Variants in AGMO observed in about 807,000 individuals in gnomAD.
The protein encoded by AGMO is alkylglycerol monooxygenase.
A neutral mutation model predicts 60.2 loss-of-function variants in AGMO; 75 were observed. The observed-to-expected ratio is 1.25, with a 90% CI of 1.03 to 1.51. The LOEUF is 1.51. Among genes scored for constraint, AGMO ranks in the 40% most tolerant of loss-of-function variants. The probability of loss-of-function intolerance (pLI) is 0.00; values close to 1 mark genes in which losing one functional copy is unlikely to be tolerated. For synonymous variants in AGMO, 261 were observed against 177.1 expected (o/e 1.47, Z -3.76); for missense variants, 763 against 525.5 (o/e 1.45, Z -4.42).
intron 5 of AGMO, among the ~76,000 whole-genome samples, chr7:15,412,045 T>C (rs1780626441): frequency 6.6e-6 from 1 of 152,156 alleles, no homozygotes; most frequent in Non-Finnish European, 1.5e-5. Flanking sequence ...CTCTATTGCG[T>C]TTGCTGCTAT....
chr7:15,341,932 C>T (rs565959348), intron 12 of AGMO, among the ~76,000 whole-genome samples: 2 of 151,770 alleles, frequency 1.3e-5, no homozygotes, highest in Admixed American at 6.6e-5. Flanking sequence ...CTCTATGATT[C>T]AATTATCTCT....
rs189555515 is a variant in AGMO, at chr7:15,290,487, A to C, written c.1263+75027T>G. Among the ~76,000 whole-genome samples the C allele has an allele frequency of 3.2e-3, 491 of 152,308 alleles. 3 individuals carry two copies. Among genetic ancestry groups the C allele is most frequent in the African/African-American group, 0.011 (466 of 41,568 alleles). On this transcript the variant is annotated intron_variant, in intron 12 of 12. Coordinates refer to ENST00000342526, the MANE Select transcript of AGMO (RefSeq NM_001004320.2). Reference sequence around the variant, plus strand: ...ACTTCTTAAAGCCTAAGAGAAGATAATCAAATACACTCATTATTATCTTCT... The same window carrying C: ...ACTTCTTAAAGCCTAAGAGAAGATACTCAAATACACTCATTATTATCTTCT...
intron 5 of AGMO, among the ~76,000 whole-genome samples, chr7:15,406,927 ACG>A (rs1234830007): frequency 5.3e-4 from 67 of 126,572 alleles, no homozygotes; most frequent in East Asian, 4.0e-3. Flanking sequence ...TGGAATACAC[ACG>A]CGCACACACA....
intron 8 of AGMO, among the ~76,000 whole-genome samples, chr7:15,389,871 G>A (rs560902164): frequency 6.6e-6 from 1 of 152,180 alleles, no homozygotes; most frequent in Non-Finnish European, 1.5e-5. Flanking sequence ...CTCAATAGAT[G>A]TTAACAATTT....
chr7:15,493,331 C>CAA (rs1268760508), intron 3 of AGMO, among the ~76,000 whole-genome samples: 5 of 53,738 alleles, frequency 9.3e-5, no homozygotes, highest in African/African-American at 5.7e-4. Context: ...CACAAACACA[C>CAA]AAAACACACA....
intron 3 of AGMO, among the ~76,000 whole-genome samples, chr7:15,537,690 A>G (rs1784516087): frequency 6.6e-6 from 1 of 152,156 alleles, no homozygotes; most frequent in Admixed American, 6.6e-5. Flanking sequence ...TTAATAATTC[A>G]ATGAATTTAT....
chr7:15,537,761 C>G (rs1278006025), intron 3 of AGMO, among the ~76,000 whole-genome samples: 2 of 151,848 alleles, frequency 1.3e-5, no homozygotes, highest in Non-Finnish European at 2.9e-5. Flanking sequence ...TATACATTAT[C>G]TACATATGGA....
the AGMO span, among the ~76,000 whole-genome samples, chr7:15,182,803 A>C: frequency 6.6e-6 from 1 of 152,150 alleles, no homozygotes; most frequent in Non-Finnish European, 1.5e-5. Flanking sequence ...AACAGGTTTA[A>C]TTGGTTCATG....
chr7:15,352,115 A>G (rs1243394904), intron 12 of AGMO, among the ~76,000 whole-genome samples: 3 of 152,216 alleles, frequency 2.0e-5, no homozygotes, highest in Non-Finnish European at 4.4e-5. Flanking sequence ...CTATAGCAAG[A>G]AGACCTCTAT....
At chr7:15,405,108 T>C (rs1478914977) in intron 5 of AGMO, among the ~76,000 whole-genome samples, 1 of 151,844 alleles carries the variant, frequency 6.6e-6, no homozygotes, top group East Asian at 1.9e-4. Flanking sequence ...CTAAAGCATA[T>C]CCTTTCCCTT....
At chr7:15,190,125 A>AGCAAACAGCTGTTTGCTT in the AGMO span, among the ~76,000 whole-genome samples, 1 of 1,596 alleles carries the variant, frequency 6.3e-4, no homozygotes, top group African/African-American at 2.1e-3. Context: ...ATATATATAT[A>AGCAAACAGCTGTTTGCTT]TTTATATATA....
At chr7:15,236,013 C>A (rs1249042354) in intron 12 of AGMO, among the ~76,000 whole-genome samples, 2 of 151,994 alleles carry the variant, frequency 1.3e-5, no homozygotes, top group African/African-American at 4.8e-5. Context: ...ACCTCAAGAG[C>A]AAGTTTAAAA....
At chr7:15,491,652 A>C (rs1783070082) in intron 3 of AGMO, among the ~76,000 whole-genome samples, 1 of 152,200 alleles carries the variant, frequency 6.6e-6, no homozygotes, top group South Asian at 2.1e-4. Flanking sequence ...CAAAGGAAAA[A>C]CAGATTATCA....
At chr7:15,258,887 A>T (rs1347009397) in intron 12 of AGMO, among the ~76,000 whole-genome samples, 1 of 152,074 alleles carries the variant, frequency 6.6e-6, no homozygotes, top group African/African-American at 2.4e-5. Flanking sequence ...GAACACCACA[A>T]CAAGGGAGCA....
At chr7:15,338,158 A>C (rs1203082334) in intron 12 of AGMO, among the ~76,000 whole-genome samples, 2 of 152,176 alleles carry the variant, frequency 1.3e-5, no homozygotes, top group African/African-American at 2.4e-5. Context: ...ATTATAATTA[A>C]ATTTTTTAAG....
chr7:15,545,921 GTCA>G (rs1784768380), intron 2 of AGMO, among the ~76,000 whole-genome samples: 3 of 151,852 alleles, frequency 2.0e-5, no homozygotes, highest in South Asian at 4.2e-4. Flanking sequence ...ATATTTATAA[GTCA>G]TCAACAAGTT....
chr7:15,202,930 A>G (rs1188927231), intron 12 of AGMO, among the ~76,000 whole-genome samples: 1 of 152,124 alleles, frequency 6.6e-6, no homozygotes. Flanking sequence ...GGGCGCTGAG[A>G]AGATAGCTTT....
chr7:15,373,740 GATA>G (rs1783331790), intron 10 of AGMO, among the ~76,000 whole-genome samples: 1 of 152,024 alleles, frequency 6.6e-6, no homozygotes, highest in Non-Finnish European at 1.5e-5. Context: ...AAGATGATTT[GATA>G]ATATTTTCCA....
intron 12 of AGMO, among the ~76,000 whole-genome samples, chr7:15,362,033 G>C (rs1454006986): frequency 6.6e-6 from 1 of 152,028 alleles, no homozygotes; most frequent in Admixed American, 6.6e-5. Context: ...AGAGAATATA[G>C]TGTCCTTATA....
Sources: allele counts gnomAD v4.1 joint callset (sites outside exome capture counted in the v4.1 genomes callset), GRCh38; gene constraint gnomAD v4.1.1; transcripts MANE v1.5; gene names NCBI Gene and HGNC (gene_info 2026-07-23, HGNC 2026-07-21).